Variants in CTNND2 observed in about 807,000 individuals in gnomAD.
The protein encoded by CTNND2 is catenin delta-2.
CTNND2 carries 22 observed loss-of-function variants against 144.4 expected under a neutral mutation model. That is an observed-to-expected ratio of 0.15 (90% CI 0.11 to 0.22). CTNND2 has a LOEUF of 0.22. CTNND2 is among the 10% of genes least tolerant of loss of function. The pLI is 1.00. For missense variants in CTNND2, 1,353 were observed against 1,618.8 expected (o/e 0.84, Z 2.82); for synonymous variants, 751 against 695.6 (o/e 1.08, Z -1.25).
intron 16 of CTNND2, among the ~76,000 whole-genome samples, chr5:11,026,396 T>C (rs1742840524): frequency 6.8e-6 from 1 of 147,324 alleles, no homozygotes; most frequent in South Asian, 2.2e-4. Context: ...CTCACTCTGT[T>C]GTCCAGGCTG....
At chr5:11,603,608 T>C (rs1260205821) in intron 2 of CTNND2, among the ~76,000 whole-genome samples, 2 of 152,196 alleles carry the variant, frequency 1.3e-5, no homozygotes, top group African/African-American at 4.8e-5. Flanking sequence ...ATTATTTTAA[T>C]GTAAAATGCA....
intron 3 of CTNND2, among the ~76,000 whole-genome samples, chr5:11,470,580 T>C (rs1046085955): frequency 2.6e-5 from 4 of 152,152 alleles, no homozygotes; most frequent in African/African-American, 9.7e-5. Context: ...AAGTCCTTGG[T>C]TTATTTAGAT....
At chr5:11,878,063 G>C (rs2127065374) in intron 1 of CTNND2, among the ~76,000 whole-genome samples, 1 of 152,146 alleles carries the variant, frequency 6.6e-6, no homozygotes, top group African/African-American at 2.4e-5. Flanking sequence ...TCTTTTGAAA[G>C]TGTGGTACAG....
At chr5:11,752,251 G>C (rs1017846750) in intron 1 of CTNND2, among the ~76,000 whole-genome samples, 1 of 151,778 alleles carries the variant, frequency 6.6e-6, no homozygotes, top group African/African-American at 2.4e-5. Flanking sequence ...ATTGCTTTTG[G>C]TGTCTCCATC....
intron 1 of CTNND2, among the ~76,000 whole-genome samples, chr5:11,777,001 G>A (rs1344702447): frequency 4.6e-5 from 7 of 151,922 alleles, no homozygotes; most frequent in Admixed American, 4.6e-4. Context: ...TAATCTATTG[G>A]GTGACTACTT....
intron 1 of CTNND2, among the ~76,000 whole-genome samples, chr5:11,849,790 T>C (rs1262598305): frequency 6.6e-6 from 1 of 152,224 alleles, no homozygotes; most frequent in African/African-American, 2.4e-5. Context: ...ACACTTAGAC[T>C]GGCACAGTGA....
chr5:11,483,534 A>G (rs1768487558), intron 3 of CTNND2, among the ~76,000 whole-genome samples: 1 of 152,232 alleles, frequency 6.6e-6, no homozygotes, highest in Non-Finnish European at 1.5e-5. Context: ...CCAGTGTTTT[A>G]AAAGAAGAGA....
At chr5:11,565,863 CA>C (rs1777051999) in intron 2 of CTNND2, among the ~76,000 whole-genome samples, 1 of 152,002 alleles carries the variant, frequency 6.6e-6, no homozygotes, top group Non-Finnish European at 1.5e-5. Context: ...TGAAAATAAC[CA>C]GAGCAAATCA....
In CTNND2 at chr5:11,113,403, T is replaced by G. The variant is rs74472240; in HGVS notation, c.2278-2360A>C. 9.3e-3 allele frequency among the ~76,000 whole-genome samples: 1,421 copies of G among 152,298 alleles called. 10 individuals are homozygous for G. Among genetic ancestry groups the G allele is most frequent in the Non-Finnish European group, 0.014 (936 of 68,030 alleles). ...CAGGCCCATTTGTTTATGAATGGTC[T>G]GTAGCTGCTTTCATGGTACAATGCA... On this transcript the variant is annotated intron_variant, in intron 13 of 21. Transcript: ENST00000304623.
intron 15 of CTNND2, chr5:11,083,892 A>G: frequency 8.8e-7 from 1 of 1,132,226 alleles, no homozygotes; most frequent in Non-Finnish European, 1.1e-6. Flanking sequence ...TGTGGCAGGC[A>G]GGGAGCCCCC....
At chr5:11,364,449 T>C (rs1756769828) in intron 8 of CTNND2, 1 of 381,424 alleles carries the variant, frequency 2.6e-6, no homozygotes, top group Non-Finnish European at 4.6e-6. Context: ...TTTCAATTTT[T>C]CTCTTTGACA....
intron 9 of CTNND2, among the ~76,000 whole-genome samples, chr5:11,265,698 A>ATTTTTTTTTTTTTT (rs5865929): frequency 2.6e-5 from 2 of 77,418 alleles, no homozygotes; most frequent in African/African-American, 5.4e-5. Context: ...TGTATTCTCT[A>ATTTTTTTTTTTTTT]TTTTTTTTTT....
At chr5:11,880,580 TACC>T (rs1432420092) in intron 1 of CTNND2, among the ~76,000 whole-genome samples, 5 of 129,378 alleles carry the variant, frequency 3.9e-5, no homozygotes, top group Admixed American at 8.0e-5. Flanking sequence ...CTACTACTAC[TACC>T]ACTACTCCTA....
intron 1 of CTNND2, among the ~76,000 whole-genome samples, chr5:11,764,242 C>A (rs927489531): frequency 6.6e-6 from 1 of 152,148 alleles, no homozygotes; most frequent in Admixed American, 6.5e-5. Flanking sequence ...ATGGGTTCTT[C>A]TCTAGAGGCT....
At chr5:11,283,705 A>AAATAAAG (rs1242454528) in intron 9 of CTNND2, among the ~76,000 whole-genome samples, 1 of 123,332 alleles carries the variant, frequency 8.1e-6, no homozygotes, top group Non-Finnish European at 1.7e-5. Context: ...AAAAAAAAAA[A>AAATAAAG]AGAGAGAGAC....
At chr5:11,239,347 A>G (rs1029618684) in intron 9 of CTNND2, among the ~76,000 whole-genome samples, 5 of 152,198 alleles carry the variant, frequency 3.3e-5, no homozygotes, top group African/African-American at 1.2e-4. Flanking sequence ...ATGAGTGCAG[A>G]AGGGATCCAC....
chr5:11,476,619 A>C (rs535953564), intron 3 of CTNND2, among the ~76,000 whole-genome samples: 1 of 152,210 alleles, frequency 6.6e-6, no homozygotes, highest in Non-Finnish European at 1.5e-5. Context: ...TAATAATAAT[A>C]TCTATTTGCT....
At chr5:11,222,027 G>A (rs17792466) in intron 10 of CTNND2, among the ~76,000 whole-genome samples, 9,212 of 152,196 alleles carry the variant, frequency 0.061, 394 homozygotes, top group Admixed American at 0.11. Flanking sequence ...GCATCAAAAC[G>A]GCAAAGCACA....
At position 11,445,087 on chromosome 5, in the gene CTNND2, C is replaced by T. The variant is rs527592943; in HGVS notation, c.288-33018G>A. ...TATAATGTTCTCGGCATTCTGGAGG[C>T]TTGAAGTCTGAAGTGAGGATGCTGG... is the stretch of plus-strand genomic sequence containing the variant. On this transcript the variant is annotated intron_variant, in intron 3 of 21. Transcript: ENST00000304623. Among the ~76,000 whole-genome samples the T allele has an allele frequency of 6.4e-4, 97 of 152,292 alleles. 1 individual carries two copies. Among genetic ancestry groups the T allele is most frequent in the African/African-American group, 2.2e-3 (90 of 41,562 alleles).
Sources: gnomAD v4.1 joint callset for allele counts (sites outside exome capture counted in the v4.1 genomes callset) on GRCh38, gnomAD v4.1.1 for gene constraint, MANE v1.5 for transcripts, NCBI Gene and HGNC (gene_info 2026-07-23, HGNC 2026-07-21) for gene names.